The following LNPEP variants were observed in gnomAD, a reference collection of about 807,000 sequenced individuals.
The protein encoded by LNPEP is leucyl-cystinyl aminopeptidase.
In LNPEP, 64 loss-of-function variants were observed where a neutral mutation model predicts 120.6. The ratio of observed to expected loss-of-function variants is 0.53; its 90% CI spans 0.43 to 0.65. The LOEUF is 0.65. LNPEP is among the 30% of genes least tolerant of loss of function. The probability of loss-of-function intolerance (pLI) is 0.00; values close to 1 mark genes in which losing one functional copy is unlikely to be tolerated. For synonymous variants in LNPEP, 435 were observed against 425.4 expected (o/e 1.02, Z -0.28); for missense variants, 1,057 against 1,200.0 (o/e 0.88, Z 1.76).
chr5:97,009,995 C>A (rs931652797), intron 11 of LNPEP, among the ~76,000 whole-genome samples: 2 of 151,546 alleles, frequency 1.3e-5, no homozygotes, highest in African/African-American at 4.9e-5. Flanking sequence ...TGTTCTAATT[C>A]AAGGGTTGTT....
intron 9 of LNPEP, among the ~76,000 whole-genome samples, chr5:97,003,957 C>G (rs1284324476): frequency 2.0e-5 from 3 of 152,074 alleles, no homozygotes; most frequent in Non-Finnish European, 4.4e-5. Flanking sequence ...GTACTCTGCT[C>G]TATGAATCTC....
In LNPEP at chr5:97,022,349, C is replaced by A. The variant is rs1236714222; in HGVS notation, c.2426C>A (p.Thr809Asn). Residue 809 changes from threonine to asparagine, a missense_variant, in exon 14 of 18, where the codon ACT becomes AAT. Transcript: ENST00000231368. ...LQNQIQQQTW[T>N]DEGTPSMREL... is the part of the protein sequence containing the mutation. ...AACCAAATTCAACAACAAACTTGGACTGATGAGGGCACTCCATCTATGCGA... is the reference window on the plus strand; with the variant it reads ...AACCAAATTCAACAACAAACTTGGAATGATGAGGGCACTCCATCTATGCGA... 1 of 1,613,118 alleles carries A rather than the reference C, an allele frequency of 6.2e-7. No individual in the cohort carries two copies. The highest frequency in any genetic ancestry group is 2.2e-5 in the East Asian group (1 of 44,880).
chr5:96,992,087 G>A (rs927824383), intron 4 of LNPEP, among the ~76,000 whole-genome samples: 1 of 152,028 alleles, frequency 6.6e-6, no homozygotes, highest in Admixed American at 6.6e-5. Context: ...TTTAACACTT[G>A]CCTTTTGATA....
intron 4 of LNPEP, among the ~76,000 whole-genome samples, chr5:96,990,366 C>T (rs370167591): frequency 2.0e-5 from 3 of 152,094 alleles, no homozygotes; most frequent in East Asian, 1.9e-4. Context: ...TAATGAAGTA[C>T]GGTTGGCTAC....
At chr5:97,026,892 C>T (rs1791352712) in intron 16 of LNPEP, 135 bp downstream of exon 16, 5 of 671,058 alleles carry the variant, frequency 7.5e-6, no homozygotes, top group South Asian at 6.4e-5. Flanking sequence ...TTAACTGAAA[C>T]ATCCGGAAAT....
intron 4 of LNPEP, among the ~76,000 whole-genome samples, chr5:96,991,613 G>A (rs1172474900): frequency 1.3e-5 from 2 of 152,090 alleles, no homozygotes; most frequent in Non-Finnish European, 2.9e-5. Flanking sequence ...ATCTTCTTTG[G>A]AGAATTGTCT....
At chr5:96,937,407 A>C (rs1235033484) in intron 1 of LNPEP, 1 of 152,164 alleles carries the variant, frequency 6.6e-6, no homozygotes, top group African/African-American at 2.4e-5. Context: ...TAACAACTTT[A>C]ATTCTGAATT....
rs1791504009 is a variant in LNPEP at position 97,033,166 on chromosome 5, A to G, written c.*4633A>G. Reference sequence around the variant, plus strand: ...ATTTGGTTCACACTGTGTCCTTCTCATGGATGTGAAAGTACCAATGAAATG... The same window carrying G: ...ATTTGGTTCACACTGTGTCCTTCTCGTGGATGTGAAAGTACCAATGAAATG... On this transcript the variant is annotated 3_prime_UTR_variant, in exon 18 of 18. Coordinates refer to ENST00000231368, the MANE Select transcript of LNPEP (RefSeq NM_005575.3). 1 of 152,084 alleles carries G rather than the reference A, an allele frequency of 6.6e-6. No homozygotes were observed. Among genetic ancestry groups the G allele is most frequent in the Non-Finnish European group, 1.5e-5 (1 of 68,026 alleles). The allele number at this position is 152,084 out of a possible 1,614,324, so 9.4% of individuals were successfully genotyped here. A position where few individuals can be genotyped will look rare whatever the true frequency, so the allele number is the denominator to read the frequency against.
At chr5:96,969,942 T>C (rs1789821768) in intron 1 of LNPEP, among the ~76,000 whole-genome samples, 1 of 151,806 alleles carries the variant, frequency 6.6e-6, no homozygotes, top group African/African-American at 2.4e-5. Flanking sequence ...CTTCTTTGAC[T>C]TATGGATTAC....
chr5:97,011,697 A>C (rs984680225), intron 11 of LNPEP, among the ~76,000 whole-genome samples: 1 of 152,250 alleles, frequency 6.6e-6, no homozygotes. Flanking sequence ...GTATCCCTTA[A>C]AACTGCATTC....
chr5:96,981,793 A>G (rs978533673), intron 2 of LNPEP, among the ~76,000 whole-genome samples: 1 of 152,172 alleles, frequency 6.6e-6, no homozygotes, highest in East Asian at 1.9e-4. Flanking sequence ...TTAAATCTCA[A>G]AGTTGTTTAT....
intron 15 of LNPEP, 118 bp from the exon 16 acceptor site, chr5:97,026,499 T>C: frequency 1.4e-6 from 1 of 740,578 alleles, no homozygotes; most frequent in Non-Finnish European, 2.2e-6. Context: ...AATGCAACAG[T>C]TATTTCTCAA....
chr5:96,960,158 G>A (rs185284020), intron 1 of LNPEP, among the ~76,000 whole-genome samples: 17 of 151,804 alleles, frequency 1.1e-4, no homozygotes, highest in Admixed American at 6.6e-4. Flanking sequence ...GGCTGGTCTC[G>A]AACTCCTGAC....
chr5:97,011,212 G>A (rs1201922345), intron 11 of LNPEP: 1 of 984,854 alleles, frequency 1.0e-6, no homozygotes, highest in Non-Finnish European at 1.2e-6. Flanking sequence ...TCTTTCTGGG[G>A]TTGTTTCTTT....
At chr5:97,003,670 G>C (rs981238184) in intron 9 of LNPEP, 124 bp downstream of exon 9, 1 of 545,412 alleles carries the variant, frequency 1.8e-6, no homozygotes, top group Non-Finnish European at 3.0e-6. Context: ...AGAAAGGGGG[G>C]GATGGAGCTT....
At chr5:96,941,600 A>G (rs188646427) in intron 1 of LNPEP, among the ~76,000 whole-genome samples, 2 of 152,262 alleles carry the variant, frequency 1.3e-5, no homozygotes, top group African/African-American at 4.8e-5. Context: ...AGTTCTTTTT[A>G]TATCTAGATC....
chr5:96,982,439 C>T (rs1351348155), intron 2 of LNPEP, among the ~76,000 whole-genome samples: 1 of 152,182 alleles, frequency 6.6e-6, no homozygotes, highest in Non-Finnish European at 1.5e-5. Flanking sequence ...TATTATCAAG[C>T]AGCAGCCTTC....
chr5:96,945,403 C>G (rs1789164043), intron 1 of LNPEP, among the ~76,000 whole-genome samples: 1 of 131,904 alleles, frequency 7.6e-6, no homozygotes, highest in Non-Finnish European at 1.6e-5. Flanking sequence ...GAGACCCTAT[C>G]TCAAAAAAAA....
chr5:96,985,001 T>G, intron 2 of LNPEP, 79 bp from the exon 3 acceptor site: 2 of 1,448,870 alleles, frequency 1.4e-6, no homozygotes, highest in Non-Finnish European at 1.9e-6. Context: ...TTGTAACATA[T>G]TTATCTTAGT....
Sources: gnomAD v4.1 joint callset for allele counts (sites outside exome capture counted in the v4.1 genomes callset) on GRCh38, gnomAD v4.1.1 for gene constraint, MANE v1.5 for transcripts, NCBI Gene and HGNC (gene_info 2026-07-23, HGNC 2026-07-21) for gene names.